The following DAPK2 variants were observed in gnomAD, a reference collection of about 807,000 sequenced individuals.
DAPK2 encodes the protein death associated protein kinase 2.
A neutral mutation model predicts 44.1 loss-of-function variants in DAPK2; 35 were observed. The ratio of observed to expected loss-of-function variants is 0.79; its 90% CI spans 0.61 to 1.05. The LOEUF (loss-of-function observed/expected upper bound fraction) is 1.05. Ranked by LOEUF, DAPK2 falls within the 50% of genes least tolerant of loss-of-function variation. The pLI, the probability that DAPK2 is intolerant of heterozygous loss-of-function variation, is 0.00. For synonymous variants in DAPK2, 174 were observed against 182.6 expected, an observed-to-expected ratio of 0.95 and a Z score of 0.38; for missense variants, 453 against 483.2, an observed-to-expected ratio of 0.94 and a Z score of 0.59.
chr15:64,025,770 T>G (rs1205084136), intron 1 of DAPK2, among the ~76,000 whole-genome samples: 1 of 152,218 alleles, frequency 6.6e-6, no homozygotes, highest in Non-Finnish European at 1.5e-5. Flanking sequence ...TTAATGAAAT[T>G]CAAAATATAA....
chr15:63,955,512 AT>A (rs1293495733), intron 3 of DAPK2, among the ~76,000 whole-genome samples: 2 of 152,094 alleles, frequency 1.3e-5, no homozygotes, highest in Non-Finnish European at 2.9e-5. Context: ...CTTTGGAAGT[AT>A]TCCCCCCTCC....
At chr15:64,038,367 G>A (rs1369856174) in intron 1 of DAPK2, among the ~76,000 whole-genome samples, 1 of 152,230 alleles carries the variant, frequency 6.6e-6, no homozygotes, top group East Asian at 1.9e-4. Context: ...GCTGTGGTTT[G>A]TTGCCGAGAA....
Position 63,908,459 on chromosome 15 carries a change from T to G in DAPK2, c.*61A>C. On this transcript the variant is annotated 3_prime_UTR_variant, in exon 11 of 11. Coordinates refer to ENST00000261891, the Ensembl canonical transcript of DAPK2. The surrounding 1 kb of genome is among the most constrained non-coding windows in gnomAD (Gnocchi z 5.7). ...TGGTGCTGAGCTGGGTCCAAAAGTCTGCACAGAAGGGAGCCCCGCTGGGCC... is the reference window on the plus strand; with the variant it reads ...TGGTGCTGAGCTGGGTCCAAAAGTCGGCACAGAAGGGAGCCCCGCTGGGCC... 8.3e-7 allele frequency: 1 copy of G among 1,208,872 alleles called. No individual in the cohort carries two copies. Among genetic ancestry groups the G allele is most frequent in the Non-Finnish European group, 1.1e-6 (1 of 874,606 alleles). The allele number at this position is 1,208,872 out of a possible 1,614,324, so 74.9% of individuals were successfully genotyped here.
At chr15:63,956,789 A>G (rs1343742137) in intron 3 of DAPK2, among the ~76,000 whole-genome samples, 2 of 152,030 alleles carry the variant, frequency 1.3e-5, no homozygotes, top group Non-Finnish European at 2.9e-5. Context: ...GGGTTTCACC[A>G]TGTTAGCCAG....
chr15:63,962,398 C>T (rs2077929630), intron 3 of DAPK2, among the ~76,000 whole-genome samples: 1 of 152,244 alleles, frequency 6.6e-6, no homozygotes, highest in African/African-American at 2.4e-5. Context: ...TGGCGAGGAG[C>T]TGCGTTCCTT....
intron 3 of DAPK2, among the ~76,000 whole-genome samples, chr15:63,940,333 G>A (rs547314455): frequency 1.3e-5 from 2 of 151,942 alleles, no homozygotes; most frequent in African/African-American, 2.4e-5. Flanking sequence ...TAAACAAGAT[G>A]TGAACACCCA....
intron 1 of DAPK2, among the ~76,000 whole-genome samples, chr15:64,036,238 C>T (rs898325803): frequency 3.5e-5 from 5 of 142,820 alleles, no homozygotes; most frequent in South Asian, 2.2e-4. Context: ...TCCAACCTGG[C>T]GACAGAGTGA....
intron 1 of DAPK2, among the ~76,000 whole-genome samples, chr15:64,006,980 C>T (rs1272004016): frequency 1.3e-5 from 2 of 152,138 alleles, no homozygotes; most frequent in East Asian, 1.9e-4. Context: ...CTCGGAAAAA[C>T]CTGCATGGGC....
At chr15:63,924,599 C>T (rs1361914970) in intron 8 of DAPK2, 4 of 533,054 alleles carry the variant, frequency 7.5e-6, no homozygotes, top group Non-Finnish European at 1.3e-5. Flanking sequence ...TCATAAGTTA[C>T]CTGAATTTGA....
At chr15:64,040,060 C>T (rs1308929832) in intron 1 of DAPK2, 110 bp downstream of exon 2, 1 of 809,466 alleles carries the variant, frequency 1.2e-6, no homozygotes, top group Non-Finnish European at 2.1e-6. Context: ...ATTTTTAAAG[C>T]TTCCCACTGG....
At chr15:64,002,916 CTGTGTGTGTGTGTGTGTG>C (rs3056849) in intron 1 of DAPK2, among the ~76,000 whole-genome samples, 19 of 86,108 alleles carry the variant, frequency 2.2e-4, no homozygotes, top group Middle Eastern at 6.5e-3. Flanking sequence ...GACTGAGACA[CTGTGTGTGTGTGTGTGTG>C]TGTGTGTGTG....
chr15:63,909,988 C>T (rs2078745780), intron 10 of DAPK2, among the ~76,000 whole-genome samples: 1 of 152,194 alleles, frequency 6.6e-6, no homozygotes, highest in South Asian at 2.1e-4. Context: ...TCAAGATCAA[C>T]TTTAGCCAAA....
intron 5 of DAPK2, chr15:63,929,938 A>G (rs778810859): frequency 2.2e-6 from 1 of 453,150 alleles, no homozygotes. Context: ...AAACCAGGTA[A>G]CAAAGGTGCT....
At chr15:64,012,161 G>A (rs1005065914) in intron 1 of DAPK2, among the ~76,000 whole-genome samples, 1 of 152,158 alleles carries the variant, frequency 6.6e-6, no homozygotes, top group African/African-American at 2.4e-5. Flanking sequence ...CCTCACTGCT[G>A]CAGCAACCTT....
chr15:63,917,232 G>C lies in DAPK2; in HGVS notation c.859-5035C>G, dbSNP rs1338049461. ...ACAAAAACTAGTTGGGTGTGGTGGT[G>C]GGTGCCTGTAATCTCAGCTACTCAG... On this transcript the variant is annotated intron_variant, in intron 8 of 10. Transcript: ENST00000261891. This position sits in a 1 kb window ranked among gnomAD's most constrained non-coding sequence, Gnocchi z 4.4. The C allele has an allele frequency of 6.6e-6, 1 of 152,016 alleles. No individual in the cohort carries two copies. The highest frequency in any genetic ancestry group is 1.5e-5 in the Non-Finnish European group (1 of 68,020). The allele number at this position is 152,016 out of a possible 1,614,324, so 9.4% of individuals were successfully genotyped here. A position where few individuals can be genotyped will look rare whatever the true frequency, so the allele number is the denominator to read the frequency against.
chr15:63,939,310 G>C lies in DAPK2; in HGVS notation c.505C>G (p.Leu169Val). 1 of 1,613,262 alleles carries C rather than the reference G, an allele frequency of 6.2e-7. No individual in the cohort carries two copies. The highest frequency in any genetic ancestry group is 8.5e-7 in the Non-Finnish European group (1 of 1,179,906). Reference sequence around the variant, plus strand: ...TCGTGAGCCAGACCAAAGTCAATCAGCTTGATGTGTGGAATGGGAATATTC... The same window carrying C: ...TCGTGAGCCAGACCAAAGTCAATCACCTTGATGTGTGGAATGGGAATATTC... The change falls in exon 4 of 11, where the codon CTG (leucine) becomes GTG (valine). Residue 169 changes from leucine to valine, a missense_variant. Transcript: ENST00000261891. The surrounding 1 kb of genome is among the most constrained non-coding windows in gnomAD (Gnocchi z 4.3).
intron 1 of DAPK2, among the ~76,000 whole-genome samples, chr15:64,008,768 T>A (rs2079307347): frequency 6.6e-6 from 1 of 152,218 alleles, no homozygotes; most frequent in Non-Finnish European, 1.5e-5. Context: ...CTTTTCCTTT[T>A]AAAATTTCCT....
At chr15:64,015,066 G>A (rs183443084) in intron 1 of DAPK2, among the ~76,000 whole-genome samples, 12 of 152,224 alleles carry the variant, frequency 7.9e-5, no homozygotes, top group Non-Finnish European at 7.4e-5. Flanking sequence ...AGGGAGATCT[G>A]GACAGAAGAG....
At chr15:64,002,955 T>C (rs1567266457) in intron 1 of DAPK2, among the ~76,000 whole-genome samples, 23 of 118,736 alleles carry the variant, frequency 1.9e-4, no homozygotes, top group Admixed American at 1.5e-3. Flanking sequence ...TGTGTGTGTG[T>C]GTGTGTGTGT....
Sources: gnomAD v4.1 joint callset for allele counts (sites outside exome capture counted in the v4.1 genomes callset) on GRCh38, gnomAD v4.1.1 for gene constraint, Gnocchi (gnomAD v3.1) non-coding constraint, MANE v1.5 for transcripts, NCBI Gene and HGNC (gene_info 2026-07-23, HGNC 2026-07-21) for gene names.